DNAH17: variants seen among roughly 807,000 people sequenced by gnomAD.
DNAH17 encodes the protein axonemal beta dynein heavy chain 17.
Under a neutral mutation model 485.6 loss-of-function variants are expected in DNAH17, and 376 were observed. The ratio of observed to expected loss-of-function variants is 0.77; its 90% CI spans 0.71 to 0.84. The LOEUF (loss-of-function observed/expected upper bound fraction) is 0.84. Ranked by LOEUF, DNAH17 falls within the 40% of genes least tolerant of loss-of-function variation. The pLI is 0.00. For missense variants in DNAH17, 6,370 were observed against 5,839.3 expected (o/e 1.09, Z -2.96); for synonymous variants, 3,031 against 2,405.9 (o/e 1.26, Z -7.60).
chr17:78,493,980 C>G (rs1011386290), intron 41 of DNAH17, 56 bp downstream of exon 41: 2 of 1,568,688 alleles, frequency 1.3e-6, no homozygotes, highest in Non-Finnish European at 1.7e-6. Flanking sequence ...ACCCTTCGCC[C>G]CAGCCCTCCC....
At chr17:78,469,037 C>G (rs1598507221) in intron 54 of DNAH17, among the ~76,000 whole-genome samples, 154 bp from the exon 55 acceptor site, 1 of 152,398 alleles carries the variant, frequency 6.6e-6, no homozygotes, top group South Asian at 2.1e-4. Flanking sequence ...AATCTCGGCT[C>G]ACTGCAACCT....
At chr17:78,481,600 G>A (rs2089353762) in intron 48 of DNAH17, among the ~76,000 whole-genome samples, 2 of 152,180 alleles carry the variant, frequency 1.3e-5, no homozygotes, top group African/African-American at 2.4e-5. Context: ...GGGTCATGAG[G>A]AGGATAAAAT....
chr17:78,536,471 GT>G (rs796685235), intron 19 of DNAH17, among the ~76,000 whole-genome samples: 140 of 151,726 alleles, frequency 9.2e-4, no homozygotes, highest in African/African-American at 3.2e-3. Context: ...AAATTAAGAA[GT>G]TTAAGACCAC....
chr17:78,576,933 G>A (rs1322452465), intron 1 of DNAH17, among the ~76,000 whole-genome samples: 1 of 152,216 alleles, frequency 6.6e-6, no homozygotes, highest in Non-Finnish European at 1.5e-5. Context: ...GGTTGTCCCA[G>A]GCCATGCTTC....
intron 54 of DNAH17, among the ~76,000 whole-genome samples, chr17:78,470,672 G>T (rs1420906927): frequency 6.6e-6 from 1 of 152,186 alleles, no homozygotes; most frequent in Non-Finnish European, 1.5e-5. Flanking sequence ...CTGGGCAACA[G>T]AGTGAGACTC....
chr17:78,435,206 A>C (rs915182307), intron 74 of DNAH17, among the ~76,000 whole-genome samples: 3 of 152,132 alleles, frequency 2.0e-5, no homozygotes, highest in Non-Finnish European at 4.4e-5. Flanking sequence ...GAGTGACACC[A>C]GCCAATGGGA....
At chr17:78,485,173 T>A (rs1406093992) in intron 47 of DNAH17, 140 bp from the exon 48 acceptor site, 1 of 1,154,030 alleles carries the variant, frequency 8.7e-7, no homozygotes, top group Non-Finnish European at 1.2e-6. Context: ...GTACCTGCCC[T>A]GGGAGTGGCC....
intron 27 of DNAH17, among the ~76,000 whole-genome samples, chr17:78,509,256 G>A (rs1054501087): frequency 6.6e-6 from 1 of 151,054 alleles, no homozygotes; most frequent in African/African-American, 2.4e-5. Context: ...GTGAGCCACC[G>A]TGCCCGGTCC....
chr17:78,500,870 CCAGGTGCCTTTCCCACCTGTGGCATT>C (rs1453582528), intron 35 of DNAH17: 2 of 257,836 alleles, frequency 7.8e-6, no homozygotes, highest in Non-Finnish European at 1.5e-5. Flanking sequence ...CAGAGGCAGC[CCAGGTGCCTTTCCCACCTGTGGCATT>C]CAGGGAGGTG....
intron 80 of DNAH17, 85 bp from the exon 81 acceptor site, chr17:78,424,238 C>T (rs959182888): frequency 6.7e-7 from 1 of 1,493,104 alleles, no homozygotes; most frequent in Non-Finnish European, 8.9e-7. Flanking sequence ...CCTCACACTC[C>T]CCGCCCTCTG....
chr17:78,468,994 C>T (rs759676954), intron 54 of DNAH17, 111 bp from the exon 55 acceptor site: 32 of 1,355,542 alleles, frequency 2.4e-5, no homozygotes, highest in South Asian at 1.3e-4. Flanking sequence ...GACGGAGTCT[C>T]GCTCTGTCGC....
At chr17:78,570,747 A>G (rs1463254933) in intron 6 of DNAH17, among the ~76,000 whole-genome samples, 1 of 149,404 alleles carries the variant, frequency 6.7e-6, no homozygotes, top group Non-Finnish European at 1.5e-5. Flanking sequence ...AATCCCAGCT[A>G]CTCGGGAGGC....
At chr17:78,490,581 A>G (rs1362102393) in intron 44 of DNAH17, 118 bp downstream of exon 44, 6 of 1,390,936 alleles carry the variant, frequency 4.3e-6, no homozygotes, top group Non-Finnish European at 4.8e-6. Context: ...GTGCCTGGTG[A>G]GGGCCTGATA....
intron 75 of DNAH17, among the ~76,000 whole-genome samples, chr17:78,432,401 G>A (rs951063979): frequency 2.7e-5 from 4 of 147,434 alleles, no homozygotes; most frequent in African/African-American, 1.0e-4. Flanking sequence ...AGACAGCAGA[G>A]GCTGCCTTTC....
At chr17:78,510,309 G>A (rs2090598653) in intron 27 of DNAH17, 75 bp downstream of exon 27, 2 of 1,584,444 alleles carry the variant, frequency 1.3e-6, no homozygotes, top group African/African-American at 2.7e-5. Flanking sequence ...ACCCCTCTGG[G>A]CGCTCTCAGT....
At chr17:78,552,376 T>C (rs1369399332) in intron 15 of DNAH17, among the ~76,000 whole-genome samples, 1 of 152,164 alleles carries the variant, frequency 6.6e-6, no homozygotes, top group Non-Finnish European at 1.5e-5. Context: ...TCACCAGCTG[T>C]GCATGCTCTG....
Position 78,561,732 on chromosome 17 carries a change from C to T in DNAH17, c.1818G>A (p.Leu606=), listed in dbSNP as rs775795114. The T allele has an allele frequency of 1.9e-6, 3 of 1,610,132 alleles. No homozygotes were observed. The highest frequency in any genetic ancestry group is 2.5e-6 in the Non-Finnish European group (3 of 1,177,756). The change falls in exon 12 of 81, where the codon CTG becomes CTA. Residue 606 remains leucine (L), a synonymous_variant. Transcript: ENST00000389840. ...TGACTCACGGGTGTTCGACGTGCTT[C>T]AGGTGTTTCATGGACACCTCTAGCC... ...QERLEVSMKH[L]KHVEHPVMSG...
chr17:78,471,816 G>A (rs370613884), intron 54 of DNAH17, among the ~76,000 whole-genome samples: 374 of 152,092 alleles, frequency 2.5e-3, no homozygotes, highest in Non-Finnish European at 2.7e-3. Flanking sequence ...CTCCACTCCC[G>A]TCCTCTTATG....
rs370435492 is a variant in DNAH17 at position 78,429,142 on chromosome 17, G to C, written c.12384C>G (p.Ile4128Met). The change falls in exon 76 of 81, where the codon ATC (isoleucine) becomes ATG (methionine). Residue 4128 changes from isoleucine (I) to methionine (M), a missense_variant. Physicochemically the swap from Ile to Met is conservative, Grantham distance 10. Coordinates refer to ENST00000389840, the MANE Select transcript of DNAH17 (RefSeq NM_173628.4). ...GDVLLAPGFQ[I>M]PPNLDYKGYH... Reference sequence around the variant, plus strand: ...TTACCTTGTAGTCCAGGTTGGGGGGGATCTGAAAGCCGGGGGCCAGCAGGA... The same window carrying C: ...TTACCTTGTAGTCCAGGTTGGGGGGCATCTGAAAGCCGGGGGCCAGCAGGA... 3.1e-6 allele frequency: 5 copies of C among 1,613,330 alleles called. No homozygotes were observed. Among genetic ancestry groups the C allele is most frequent in the African/African-American group, 2.7e-5 (2 of 74,894 alleles).
Sources: allele counts gnomAD v4.1 joint callset (sites outside exome capture counted in the v4.1 genomes callset), GRCh38; gene constraint gnomAD v4.1.1; transcripts MANE v1.5; gene names NCBI Gene and HGNC (gene_info 2026-07-23, HGNC 2026-07-21).